The following CDH12 variants were observed in gnomAD, a reference collection of about 807,000 sequenced individuals.
CDH12 encodes the protein cadherin-12.
Under a neutral mutation model 74.1 loss-of-function variants are expected in CDH12, and 41 were observed. That is an observed-to-expected ratio of 0.55 (90% confidence interval 0.43 to 0.72). The LOEUF is 0.72. Ranked by LOEUF, CDH12 falls within the 30% of genes least tolerant of loss-of-function variation. CDH12 has a pLI of 0.00. For missense variants in CDH12, 945 were observed against 977.2 expected (o/e 0.97, Z 0.44); for synonymous variants, 399 against 355.0 (o/e 1.12, Z -1.39).
chr5:21,904,152 T>C (rs939417035), intron 6 of CDH12, among the ~76,000 whole-genome samples: 5 of 152,184 alleles, frequency 3.3e-5, no homozygotes, highest in African/African-American at 7.2e-5. Flanking sequence ...ATAAACTTCA[T>C]GTTACATTTT....
intron 3 of CDH12, among the ~76,000 whole-genome samples, chr5:22,324,489 T>C (rs2150439683): frequency 6.6e-6 from 1 of 152,132 alleles, no homozygotes; most frequent in East Asian, 1.9e-4. Flanking sequence ...TTTGAAAAGT[T>C]ACTAAGTTAT....
rs925491832 is a variant in CDH12 at position 21,751,684 on chromosome 5, T to A, written c.*53A>T. On this transcript the variant is annotated 3_prime_UTR_variant, in exon 15 of 15. Transcript: ENST00000382254. ...ATTTCTATTAATATTTGTGTTTCTT[T>A]TTCTTTTTTAAAAATCTCCCCTCTC... 89 of 1,473,386 alleles carry A rather than the reference T, an allele frequency of 6.0e-5. No homozygotes were observed. The highest frequency in any genetic ancestry group is 2.4e-4 in the Admixed American group (11 of 45,858). The allele number at this position is 1,473,386 out of a possible 1,614,324, so 91.3% of individuals were successfully genotyped here.
chr5:22,348,662 G>C (rs1740229047), intron 3 of CDH12, among the ~76,000 whole-genome samples: 1 of 152,158 alleles, frequency 6.6e-6, no homozygotes, highest in Non-Finnish European at 1.5e-5. Flanking sequence ...CTATCATCTT[G>C]AGTGGTCAGC....
intron 4 of CDH12, among the ~76,000 whole-genome samples, chr5:22,116,846 T>A (rs901131718): frequency 1.4e-5 from 2 of 146,376 alleles, no homozygotes; most frequent in African/African-American, 5.1e-5. Context: ...TCAGCTAGGC[T>A]GGAGCATCTG....
intron 3 of CDH12, among the ~76,000 whole-genome samples, chr5:22,396,622 T>G (rs1343615806): frequency 6.6e-6 from 1 of 152,072 alleles, no homozygotes; most frequent in Non-Finnish European, 1.5e-5. Context: ...AATTTGGAGG[T>G]AGTTAGTATA....
intron 5 of CDH12, among the ~76,000 whole-genome samples, chr5:22,042,238 T>C (rs1739625264): frequency 6.6e-6 from 1 of 151,250 alleles, no homozygotes; most frequent in African/African-American, 2.4e-5. Flanking sequence ...CCTAACATTG[T>C]AACTTAAGGA....
chr5:22,336,318 T>G (rs1739579116), intron 3 of CDH12, among the ~76,000 whole-genome samples: 1 of 152,170 alleles, frequency 6.6e-6, no homozygotes, highest in African/African-American at 2.4e-5. Context: ...TCCCATTATC[T>G]GAAGAGAAAT....
chr5:22,256,834 C>G (rs1012898414), intron 3 of CDH12, among the ~76,000 whole-genome samples: 1 of 152,096 alleles, frequency 6.6e-6, no homozygotes, highest in African/African-American at 2.4e-5. Context: ...AATCCCATTA[C>G]TAGGGAATAT....
chr5:22,355,521 A>ATAT (rs70959719), intron 3 of CDH12, among the ~76,000 whole-genome samples: 801 of 74,088 alleles, frequency 0.011, 8 homozygotes, highest in Middle Eastern at 0.022. Context: ...CCTTAAAAAA[A>ATAT]AAATATATAT....
At chr5:21,886,704 C>G (rs144246470) in intron 6 of CDH12, among the ~76,000 whole-genome samples, 2 of 150,974 alleles carry the variant, frequency 1.3e-5, no homozygotes, top group African/African-American at 4.9e-5. Flanking sequence ...CTAATTATTC[C>G]ATTTTTCTAA....
intron 1 of CDH12, among the ~76,000 whole-genome samples, chr5:22,806,896 C>A (rs187274429): frequency 1.8e-3 from 276 of 152,206 alleles, no homozygotes; most frequent in Non-Finnish European, 3.5e-3. Flanking sequence ...GGATAGATTG[C>A]AAAAATTTTC....
chr5:22,529,559 G>T (rs1346521035), intron 1 of CDH12, among the ~76,000 whole-genome samples: 3 of 152,024 alleles, frequency 2.0e-5, no homozygotes, highest in African/African-American at 7.2e-5. Context: ...GATTGGATGA[G>T]GCCCACTCAC....
intron 4 of CDH12, among the ~76,000 whole-genome samples, chr5:22,211,991 A>T (rs1751572447): frequency 6.6e-6 from 1 of 151,716 alleles, no homozygotes; most frequent in South Asian, 2.1e-4. Context: ...TTAAGTTTTA[A>T]GTTCCAAATG....
chr5:21,918,865 T>C (rs1334721238), intron 6 of CDH12, among the ~76,000 whole-genome samples: 3 of 152,220 alleles, frequency 2.0e-5, no homozygotes, highest in African/African-American at 7.2e-5. Flanking sequence ...ATTAAAATTG[T>C]ATAAATTTAA....
At chr5:22,650,215 T>G (rs1214976953) in intron 1 of CDH12, among the ~76,000 whole-genome samples, 1 of 151,824 alleles carries the variant, frequency 6.6e-6, no homozygotes, top group East Asian at 1.9e-4. Flanking sequence ...TCATAGAGAG[T>G]GGACAGAGAG....
At chr5:22,025,069 A>G (rs920856963) in intron 5 of CDH12, among the ~76,000 whole-genome samples, 14 of 152,170 alleles carry the variant, frequency 9.2e-5, no homozygotes, top group Non-Finnish European at 1.9e-4. Flanking sequence ...AAACAAAAAC[A>G]AAATCAAACC....
intron 8 of CDH12, among the ~76,000 whole-genome samples, chr5:21,830,410 T>C (rs1748950217): frequency 1.3e-5 from 2 of 151,998 alleles, no homozygotes; most frequent in Admixed American, 1.3e-4. Flanking sequence ...TTTAGTTGTA[T>C]TGATTTACCT....
chr5:22,823,816 C>T (rs1284941769), intron 1 of CDH12, among the ~76,000 whole-genome samples: 1 of 152,122 alleles, frequency 6.6e-6, no homozygotes, highest in Non-Finnish European at 1.5e-5. Context: ...ATGCCTGCTT[C>T]CCTTTCTGCC....
intron 4 of CDH12, among the ~76,000 whole-genome samples, chr5:22,128,316 A>G (rs9293011): frequency 0.57 from 86,810 of 151,788 alleles, 25,165 homozygotes; most frequent in Middle Eastern, 0.67. Context: ...GTAAGATAAT[A>G]CACTCTATTC....
Sources: allele counts gnomAD v4.1 joint callset (sites outside exome capture counted in the v4.1 genomes callset), GRCh38; gene constraint gnomAD v4.1.1; transcripts MANE v1.5; gene names NCBI Gene and HGNC (gene_info 2026-07-23, HGNC 2026-07-21).